The following WWOX variants were observed in gnomAD, a reference collection of about 807,000 sequenced individuals.
WWOX encodes the protein WW domain-containing oxidoreductase.
A neutral mutation model predicts 46.2 loss-of-function variants in WWOX; 69 were observed. The ratio of observed to expected loss-of-function variants is 1.49; its 90% CI spans 1.23 to 1.82. The LOEUF (loss-of-function observed/expected upper bound fraction) is 1.82, where lower values mean the gene tolerates loss of function less well. Ranked by LOEUF, WWOX falls within the 40% of genes most tolerant of loss-of-function variation. WWOX has a pLI of 0.00. For missense variants in WWOX, 919 were observed against 542.6 expected, an observed-to-expected ratio of 1.69 and a Z score of -6.89; for synonymous variants, 359 against 202.6, an observed-to-expected ratio of 1.77 and a Z score of -6.56.
intron 5 of WWOX, among the ~76,000 whole-genome samples, chr16:78,265,691 A>C (rs1235990992): frequency 1.1e-4 from 16 of 147,754 alleles, no homozygotes; most frequent in East Asian, 7.9e-4. Flanking sequence ...AAAAAAAAAA[A>C]AACAACAAAA....
intron 4 of WWOX, among the ~76,000 whole-genome samples, chr16:78,157,175 C>T (rs900330230): frequency 2.0e-5 from 3 of 152,116 alleles, no homozygotes; most frequent in African/African-American, 7.2e-5. Context: ...ACCATTCCGT[C>T]CAAGATCTTC....
At position 78,177,647 on chromosome 16, in the gene WWOX, C is replaced by T. The variant is rs552251608; in HGVS notation, c.516+13358C>T. On this transcript the variant is annotated intron_variant, in intron 5 of 8. Transcript: ENST00000566780. ...AGCTCCTCTATGAGGCCAGATCATT[C>T]GGGGCCTTGGATTCCAGTCTTAGGA... Among the ~76,000 whole-genome samples, 5 of 152,266 alleles carry T rather than the reference C, an allele frequency of 3.3e-5. No individual in the cohort carries two copies. In the South Asian group the frequency reaches 1.0e-3, roughly 32 times the overall value.
At chr16:79,070,777 T>A (rs934614517) in intron 8 of WWOX, among the ~76,000 whole-genome samples, 8 of 152,228 alleles carry the variant, frequency 5.3e-5, no homozygotes, top group African/African-American at 1.9e-4. Context: ...TTTGATTTGT[T>A]TCTTCAAAGA....
intron 8 of WWOX, among the ~76,000 whole-genome samples, chr16:78,657,833 T>C (rs1017513368): frequency 2.0e-5 from 3 of 152,190 alleles, no homozygotes; most frequent in Non-Finnish European, 4.4e-5. Flanking sequence ...GTGTGTGTTA[T>C]TTTGTTTTTT....
intron 8 of WWOX, among the ~76,000 whole-genome samples, chr16:78,494,195 C>G (rs555648595): frequency 2.0e-4 from 30 of 152,270 alleles, no homozygotes; most frequent in African/African-American, 7.2e-4. Context: ...CTCAGGAGAA[C>G]TCTTTCACAA....
chr16:78,651,929 C>G (rs147066720), intron 8 of WWOX, among the ~76,000 whole-genome samples: 1 of 152,038 alleles, frequency 6.6e-6, no homozygotes, highest in African/African-American at 2.4e-5. Flanking sequence ...AAGTAAAATG[C>G]AATGGCAGGC....
chr16:78,336,921 G>C (rs1295419049), intron 5 of WWOX, among the ~76,000 whole-genome samples: 1 of 152,098 alleles, frequency 6.6e-6, no homozygotes, highest in African/African-American at 2.4e-5. Flanking sequence ...TGGGATTACA[G>C]GCGCCCGCCA....
rs1053467119 is a variant in WWOX, at chr16:78,110,437, A to G, written c.230+602A>G. ...ATATTATGAGCATTTTCTTGTATCC[A>G]TATCTATTTTTCAAAAAGATGCTAT... On this transcript the variant is annotated intron_variant, in intron 3 of 8. Coordinates refer to ENST00000566780, the MANE Select transcript of WWOX (RefSeq NM_016373.4). Among the ~76,000 whole-genome samples, 4 of 151,888 alleles carry G rather than the reference A, an allele frequency of 2.6e-5. No individual in the cohort carries two copies. The South Asian group carries it at 6.2e-4, about 24-fold the overall frequency.
rs149284250 is a variant in WWOX at position 78,838,340 on chromosome 16, A to G, written c.1057-373268A>G. 3.2e-3 allele frequency among the ~76,000 whole-genome samples: 483 copies of G among 152,318 alleles called. 1 individual carries two copies. The highest frequency in any genetic ancestry group is 0.024 in the Middle Eastern group (7 of 294). The stretch of plus-strand genomic sequence containing the variant: ...CAGGAACCAGAAGAGCTGACTTCAG[A>G]GGAGGCTTTAGGCGCTCCTGCATGT... On this transcript the variant is annotated intron_variant, in intron 8 of 8. Transcript: ENST00000566780.
At chr16:78,308,198 C>A (rs1234419142) in intron 5 of WWOX, among the ~76,000 whole-genome samples, 1 of 152,168 alleles carries the variant, frequency 6.6e-6, no homozygotes, top group African/African-American at 2.4e-5. Context: ...CACACAGCCA[C>A]CCAGAGCTGC....
At chr16:78,469,689 C>T (rs1373969690) in intron 8 of WWOX, among the ~76,000 whole-genome samples, 2 of 152,144 alleles carry the variant, frequency 1.3e-5, no homozygotes, top group Non-Finnish European at 2.9e-5. Context: ...TCTGCTTACA[C>T]CATGGACAAC....
intron 8 of WWOX, among the ~76,000 whole-genome samples, chr16:78,918,777 A>G (rs1352206324): frequency 6.6e-6 from 1 of 152,176 alleles, no homozygotes; most frequent in East Asian, 1.9e-4. Context: ...GGAGGAGTCA[A>G]GTTACTTGTC....
At chr16:78,491,489 G>A (rs1394556699) in intron 8 of WWOX, among the ~76,000 whole-genome samples, 1 of 152,068 alleles carries the variant, frequency 6.6e-6, no homozygotes, top group Non-Finnish European at 1.5e-5. Context: ...TTTTGAGACA[G>A]GGTTTTGCTG....
At chr16:78,885,848 A>G (rs2044444925) in intron 8 of WWOX, among the ~76,000 whole-genome samples, 1 of 152,104 alleles carries the variant, frequency 6.6e-6, no homozygotes, top group East Asian at 1.9e-4. Context: ...CCTGCTGTAT[A>G]AATATGCAGT....
intron 8 of WWOX, among the ~76,000 whole-genome samples, chr16:78,959,676 G>T (rs536003220): frequency 6.6e-6 from 1 of 152,166 alleles, no homozygotes; most frequent in Non-Finnish European, 1.5e-5. Flanking sequence ...CGGATAGACT[G>T]CAGGCTCAGA....
At chr16:78,657,813 G>GTT (rs1423955799) in intron 8 of WWOX, among the ~76,000 whole-genome samples, 1 of 151,982 alleles carries the variant, frequency 6.6e-6, no homozygotes, top group Non-Finnish European at 1.5e-5. Context: ...AACAGGTTTT[G>GTT]TTTTTTTGTG....
chr16:78,530,432 G>A (rs989411056), intron 8 of WWOX, among the ~76,000 whole-genome samples: 3 of 152,186 alleles, frequency 2.0e-5, no homozygotes, highest in African/African-American at 7.2e-5. Context: ...AGAAGACAAA[G>A]CAGGAAGGTA....
At chr16:78,609,598 C>T (rs2045850247) in intron 8 of WWOX, among the ~76,000 whole-genome samples, 1 of 151,444 alleles carries the variant, frequency 6.6e-6, no homozygotes. Context: ...CAGTGATTCC[C>T]TGGCTTCACC....
intron 8 of WWOX, among the ~76,000 whole-genome samples, chr16:79,156,500 G>A (rs562264643): frequency 2.6e-5 from 4 of 152,234 alleles, no homozygotes; most frequent in Middle Eastern, 3.4e-3. Context: ...TTACACAGGT[G>A]GGTTCAAATT....
Sources: gnomAD v4.1 joint callset for allele counts (sites outside exome capture counted in the v4.1 genomes callset) on GRCh38, gnomAD v4.1.1 for gene constraint, MANE v1.5 for transcripts, NCBI Gene and HGNC (gene_info 2026-07-23, HGNC 2026-07-21) for gene names.